NDUFV3: variants seen among roughly 807,000 people sequenced by gnomAD.
The protein encoded by NDUFV3 is NADH:ubiquinone oxidoreductase subunit V3.
NDUFV3 carries 44 observed loss-of-function variants against 37.5 expected under a neutral mutation model. The observed-to-expected ratio is 1.17, with a 90% CI of 0.92 to 1.51. The LOEUF is 1.51. Among genes scored for constraint, NDUFV3 ranks in the 40% most tolerant of loss-of-function variants. NDUFV3 has a pLI of 0.00. For synonymous variants in NDUFV3, 235 were observed against 239.3 expected (o/e 0.98, Z 0.17); for missense variants, 580 against 580.4 (o/e 1.00, Z 0.01).
chr21:42,904,241 C>A lies in NDUFV3; in HGVS notation c.1229C>A (p.Ala410Glu). 6.2e-7 allele frequency: 1 copy of A among 1,610,442 alleles called. No homozygotes were observed. The highest frequency in any genetic ancestry group is 8.5e-7 in the Non-Finnish European group (1 of 1,178,278). The change falls in exon 3 of 4, where the codon GCA (alanine) becomes GAA (glutamate). Residue 410 changes from alanine (A) to glutamate (E), a missense_variant. Transcript: ENST00000354250. ...GCCGAGGGCGAGGCCATGGAAGATG[C>A]AGCCGCGCCAGGGGACGACCGAGGC... Reference protein sequence around the residue: ...LEAEGEAMEDAAAPGDDRGGT... With the variant: ...LEAEGEAMEDEAAPGDDRGGT...
Position 42,910,384 on chromosome 21 carries a change from A to G in NDUFV3, c.*1363A>G, listed in dbSNP as rs1336238182. On this transcript the variant is annotated 3_prime_UTR_variant, in exon 4 of 4. Transcript: ENST00000354250. Reference sequence around the variant, plus strand: ...CTGCATTGCAAACAAATTGTATTGCAGTATTTTACCATCAGAAAAGGAAGG... The same window carrying G: ...CTGCATTGCAAACAAATTGTATTGCGGTATTTTACCATCAGAAAAGGAAGG... 1 of 152,358 alleles carries G rather than the reference A, an allele frequency of 6.6e-6. No homozygotes were observed. Among genetic ancestry groups the G allele is most frequent in the Non-Finnish European group, 1.5e-5 (1 of 68,094 alleles). The allele number at this position is 152,358 out of a possible 1,614,324, so 9.4% of individuals were successfully genotyped here. A position where few individuals can be genotyped will look rare whatever the true frequency, so the allele number is the denominator to read the frequency against.
rs2058695119 is a variant in NDUFV3 at position 42,897,008 on chromosome 21, G to T, written c.130G>T (p.Gly44Cys). The change falls in exon 2 of 4, where the codon GGT (glycine) becomes TGT (cysteine). Residue 44 changes from glycine (G) to cysteine (C), a missense_variant. Transcript: ENST00000354250. ...TGCGGAATCAGGGAAGAGTGAAAAG[G>T]GTCAGCCACAGAATTCCAAGAAGCA... ...LSAESGKSEK[G>C]QPQNSKKQSP... 1 of 1,614,002 alleles carries T rather than the reference G, an allele frequency of 6.2e-7. No individual in the cohort carries two copies. The highest frequency in any genetic ancestry group is 8.5e-7 in the Non-Finnish European group (1 of 1,180,010).
At chr21:42,902,889 C>A (rs1183317873) in intron 2 of NDUFV3, among the ~76,000 whole-genome samples, 1 of 152,124 alleles carries the variant, frequency 6.6e-6, no homozygotes, top group Admixed American at 6.6e-5. Flanking sequence ...TAAATCATCT[C>A]TAGATTACTT....
chr21:42,908,757 T>C, intron 3 of NDUFV3, 107 bp from the exon 4 acceptor site: 2 of 1,320,330 alleles, frequency 1.5e-6, no homozygotes, highest in Non-Finnish European at 2.2e-6. Flanking sequence ...TGTTCACAGA[T>C]AGGGATGATG....
chr21:42,902,776 G>A (rs956040175), intron 2 of NDUFV3, among the ~76,000 whole-genome samples: 1 of 152,062 alleles, frequency 6.6e-6, no homozygotes, highest in African/African-American at 2.4e-5. Context: ...TTGGTTCTAG[G>A]CCACCCCTCC....
At chr21:42,908,058 G>A (rs2058749733) in intron 3 of NDUFV3, among the ~76,000 whole-genome samples, 1 of 151,954 alleles carries the variant, frequency 6.6e-6, no homozygotes, top group South Asian at 2.1e-4. Flanking sequence ...TGTAATCCCA[G>A]CACTTTGGGA....
Position 42,903,911 on chromosome 21 carries a change from C to G in NDUFV3, c.899C>G (p.Ser300Cys), listed in dbSNP as rs763788236. The change falls in exon 3 of 4, where the codon TCT (serine) becomes TGT (cysteine). Residue 300 changes from serine (S) to cysteine (C), a missense_variant. Transcript: ENST00000354250. Reference protein sequence around the residue: ...PLPVHTKSGLSAPPKGSPAPA... With the variant: ...PLPVHTKSGLCAPPKGSPAPA... ...CCTGTCCACACAAAATCAGGGTTGT[C>G]TGCGCCACCGAAGGGCAGCCCAGCG... is the stretch of plus-strand genomic sequence containing the variant. The G allele has an allele frequency of 6.2e-7, 1 of 1,611,678 alleles. No homozygotes were observed. The highest frequency in any genetic ancestry group is 8.5e-7 in the Non-Finnish European group (1 of 1,178,858).
At chr21:42,899,606 G>A (rs552979203) in intron 2 of NDUFV3, among the ~76,000 whole-genome samples, 19 of 152,122 alleles carry the variant, frequency 1.2e-4, no homozygotes, top group Non-Finnish European at 2.2e-4. Flanking sequence ...CACCAAACCC[G>A]GCAAATTTTT....
intron 1 of NDUFV3, among the ~76,000 whole-genome samples, chr21:42,894,509 AT>A (rs5844143): frequency 0.16 from 13,676 of 87,622 alleles, 1,461 homozygotes; most frequent in African/African-American, 0.2. Flanking sequence ...TATAATATAT[AT>A]TTATATATTA....
At chr21:42,907,018 G>T in intron 3 of NDUFV3, 1 of 407,054 alleles carries the variant, frequency 2.5e-6, no homozygotes, top group Non-Finnish European at 4.9e-6. Flanking sequence ...AGCATGAATG[G>T]AAGTTAAGAC....
intron 3 of NDUFV3, among the ~76,000 whole-genome samples, chr21:42,905,863 A>T (rs866252588): frequency 0.019 from 2,497 of 132,922 alleles, 70 homozygotes; most frequent in African/African-American, 0.063. Flanking sequence ...TGATGTTACC[A>T]TTTTTTTTTT....
chr21:42,903,505 G>C lies in NDUFV3; in HGVS notation c.493G>C (p.Asp165His). 6.2e-7 allele frequency: 1 copy of C among 1,614,178 alleles called. No homozygotes were observed. Among genetic ancestry groups the C allele is most frequent in the Non-Finnish European group, 8.5e-7 (1 of 1,180,026 alleles). ...SSSSSSDSESDDEADVSEVTP... is the reference protein window; with the variant it reads ...SSSSSSDSESHDEADVSEVTP... ...TTCCAGCTCCTCTGATTCTGAATCT[G>C]ATGATGAGGCTGACGTTTCAGAGGT... Residue 165 changes from aspartate to histidine, a missense_variant, in exon 3 of 4, where the codon GAT becomes CAT. Coordinates refer to ENST00000354250, the MANE Select transcript of NDUFV3 (RefSeq NM_021075.4).
chr21:42,897,540 A>G (rs879346473), intron 2 of NDUFV3, among the ~76,000 whole-genome samples: 4 of 152,100 alleles, frequency 2.6e-5, no homozygotes, highest in Admixed American at 2.6e-4. Flanking sequence ...CGTCTGGCTA[A>G]TTTTTTGTAT....
chr21:42,904,278 T>A lies in NDUFV3; in HGVS notation c.1264+2T>A, dbSNP rs145166807. The A allele has an allele frequency of 3.9e-4, 619 of 1,589,844 alleles. No individual in the cohort carries two copies. Among genetic ancestry groups the A allele is most frequent in the Non-Finnish European group, 4.2e-4 (492 of 1,167,882 alleles). ...GGGACGACCGAGGCGGCACACAGGG[T>A]ATACCTTGACTCGCGCTCCCAAGTG... On this transcript the variant is annotated splice_donor_variant, in intron 3 of 3. Transcript: ENST00000354250. LOFTEE classifies it high-confidence loss of function.
In NDUFV3 at chr21:42,909,277, G is replaced by A. The variant is rs1310584704; in HGVS notation, c.*256G>A. The A allele has an allele frequency of 2.4e-6, 1 of 411,996 alleles. No individual in the cohort carries two copies. The highest frequency in any genetic ancestry group is 4.6e-6 in the Non-Finnish European group (1 of 219,420). 25.5% of individuals were successfully genotyped at this position (411,996 alleles called of 1,614,324 possible). A position where few individuals can be genotyped will look rare whatever the true frequency, so the allele number is the denominator to read the frequency against. On this transcript the variant is annotated 3_prime_UTR_variant, in exon 4 of 4. Transcript: ENST00000354250. ...CCACCTCAGCCTCCCAAGTAGGTGG[G>A]ATTACAGGTACTCACCACCAGGTCC...
chr21:42,905,879 T>C (rs1206392292), intron 3 of NDUFV3, among the ~76,000 whole-genome samples: 3 of 126,618 alleles, frequency 2.4e-5, no homozygotes, highest in Non-Finnish European at 5.3e-5. Context: ...TTTTTTTTTT[T>C]TGGAGATGGA....
At chr21:42,908,561 A>C (rs1361924233) in intron 3 of NDUFV3, among the ~76,000 whole-genome samples, 1 of 151,346 alleles carries the variant, frequency 6.6e-6, no homozygotes, top group Non-Finnish European at 1.5e-5. Flanking sequence ...TTGGTAGGTA[A>C]GCGCCTGTGT....
chr21:42,903,560 G>A lies in NDUFV3; in HGVS notation c.548G>A (p.Gly183Glu), dbSNP rs773356729. Reference protein sequence around the residue: ...VTPRVVSKGRGGLRKPEASHS... With the variant: ...VTPRVVSKGREGLRKPEASHS... ...CCTCGAGTGGTGAGCAAAGGCAGAGGGGGGCTTCGAAAACCAGAGGCCTCT... is the reference window on the plus strand; with the variant it reads ...CCTCGAGTGGTGAGCAAAGGCAGAGAGGGGCTTCGAAAACCAGAGGCCTCT... Residue 183 changes from glycine (G) to glutamate (E), a missense_variant, in exon 3 of 4, where the codon GGG becomes GAG. By Grantham distance (98) the Gly-to-Glu change is moderately conservative. Transcript: ENST00000354250. 3.9e-5 allele frequency: 63 copies of A among 1,613,866 alleles called. 1 individual carries two copies. The South Asian group carries it at 6.3e-4, about 16-fold the overall frequency.
intron 1 of NDUFV3, among the ~76,000 whole-genome samples, chr21:42,894,340 A>G (rs2058672764): frequency 1.7e-5 from 1 of 59,776 alleles, no homozygotes; most frequent in Admixed American, 1.9e-4. Flanking sequence ...CATATTATAT[A>G]TATTATATAT....
Sources: allele counts gnomAD v4.1 joint callset (sites outside exome capture counted in the v4.1 genomes callset), GRCh38; gene constraint gnomAD v4.1.1; transcripts MANE v1.5; gene names NCBI Gene and HGNC (gene_info 2026-07-23, HGNC 2026-07-21).